The following SLC35F3 variants were observed in gnomAD, a reference collection of about 807,000 sequenced individuals.
SLC35F3 encodes the protein putative thiamine transporter SLC35F3.
SLC35F3 carries 25 observed loss-of-function variants against 49.9 expected under a neutral mutation model. The observed-to-expected ratio is 0.50, with a 90% CI of 0.37 to 0.70. SLC35F3 has a LOEUF of 0.70. Among genes scored for constraint, SLC35F3 ranks in the 30% least tolerant of loss-of-function variants. The pLI, the probability that SLC35F3 is intolerant of heterozygous loss-of-function variation, is 0.00. For synonymous variants in SLC35F3, 275 were observed against 265.4 expected, an observed-to-expected ratio of 1.04 and a Z score of -0.35; for missense variants, 525 against 639.8, an observed-to-expected ratio of 0.82 and a Z score of 1.94.
intron 2 of SLC35F3, among the ~76,000 whole-genome samples, chr1:233,962,125 T>C (rs1193818980): frequency 2.0e-5 from 3 of 152,208 alleles, no homozygotes; most frequent in Non-Finnish European, 4.4e-5. Flanking sequence ...CATACATATT[T>C]CCACCACACC....
intron 2 of SLC35F3, among the ~76,000 whole-genome samples, chr1:233,956,460 A>G (rs1019781634): frequency 1.8e-4 from 27 of 152,124 alleles, no homozygotes; most frequent in Admixed American, 1.4e-3. Flanking sequence ...TTTCATTGCT[A>G]TTGCTATGGT....
chr1:234,221,891 A>G lies in SLC35F3; in HGVS notation c.284-9526A>G, dbSNP rs1667211385. On this transcript the variant is annotated intron_variant, in intron 2 of 7. Coordinates refer to ENST00000366618, the MANE Select transcript of SLC35F3 (RefSeq NM_173508.4). ...TCTTTTTAGGCAGGAACATTCTAAG[A>G]GTCTACTAAGTAGCTTAATCATTAG... Among the ~76,000 whole-genome samples, 4 of 152,238 alleles carry G rather than the reference A, an allele frequency of 2.6e-5. No homozygotes were observed. The South Asian group carries it at 6.2e-4, about 24-fold the overall frequency.
At chr1:234,116,639 G>A (rs1273223039) in intron 2 of SLC35F3, among the ~76,000 whole-genome samples, 1 of 152,004 alleles carries the variant, frequency 6.6e-6, no homozygotes, top group East Asian at 1.9e-4. Flanking sequence ...AGCCTCCCAA[G>A]TAGCTGAGAT....
chr1:234,310,075 G>A (rs560880608), intron 4 of SLC35F3, among the ~76,000 whole-genome samples: 1 of 152,304 alleles, frequency 6.6e-6, no homozygotes, highest in East Asian at 1.9e-4. Flanking sequence ...AAAAGAAACA[G>A]GTGAAGTTTC....
At chr1:233,994,794 A>G (rs969031758) in intron 2 of SLC35F3, among the ~76,000 whole-genome samples, 2 of 152,134 alleles carry the variant, frequency 1.3e-5, no homozygotes, top group Non-Finnish European at 2.9e-5. Context: ...TCATCTCTAG[A>G]ATGGATTGTT....
chr1:233,943,252 T>C (rs893827949), intron 2 of SLC35F3, among the ~76,000 whole-genome samples: 1 of 152,240 alleles, frequency 6.6e-6, no homozygotes, highest in African/African-American at 2.4e-5. Context: ...AAGAGTGGTC[T>C]ATAGGTGTCC....
At chr1:234,054,265 C>T (rs186715132) in intron 2 of SLC35F3, among the ~76,000 whole-genome samples, 130 of 152,340 alleles carry the variant, frequency 8.5e-4, no homozygotes, top group African/African-American at 3.0e-3. Flanking sequence ...CTCCCTGTCA[C>T]TTTCAGGTAC....
chr1:234,062,188 G>C (rs1185565716), intron 2 of SLC35F3, among the ~76,000 whole-genome samples: 1 of 152,114 alleles, frequency 6.6e-6, no homozygotes, highest in Non-Finnish European at 1.5e-5. Context: ...CATTTAGTGA[G>C]GTTTATTTTC....
intron 3 of SLC35F3, among the ~76,000 whole-genome samples, chr1:234,288,492 G>A (rs1429891553): frequency 1.3e-5 from 2 of 152,154 alleles, no homozygotes; most frequent in African/African-American, 2.4e-5. Context: ...AAAATATGAA[G>A]GATGTTTTTA....
intron 2 of SLC35F3, among the ~76,000 whole-genome samples, chr1:234,032,557 C>G (rs1189311835): frequency 6.6e-6 from 1 of 152,096 alleles, no homozygotes; most frequent in African/African-American, 2.4e-5. Flanking sequence ...TATTCTTATG[C>G]CTTTATGTCC....
At chr1:234,285,484 G>C (rs1482660689) in intron 3 of SLC35F3, 1 of 388,210 alleles carries the variant, frequency 2.6e-6, no homozygotes, top group East Asian at 7.2e-5. Context: ...AGTAAAAACA[G>C]AAAATTTTGG....
chr1:233,909,530 C>T (rs994427280), intron 2 of SLC35F3, among the ~76,000 whole-genome samples: 2 of 152,156 alleles, frequency 1.3e-5, no homozygotes, highest in African/African-American at 4.8e-5. Context: ...ATGCTGACTT[C>T]CTGTTATGTG....
chr1:234,116,761 G>T (rs574912830), intron 2 of SLC35F3, among the ~76,000 whole-genome samples: 6 of 152,090 alleles, frequency 3.9e-5, no homozygotes, highest in Non-Finnish European at 7.4e-5. Context: ...TGATCCACCC[G>T]CCTTGGCCTC....
Position 233,918,814 on chromosome 1 carries a change from CTCTATATA to C in SLC35F3, c.283+13058_283+13065del, listed in dbSNP as rs200831029. Among the ~76,000 whole-genome samples, 588 of 60,158 alleles carry C rather than the reference CTCTATATA, an allele frequency of 9.8e-3. 6 individuals carry two copies. The highest frequency in any genetic ancestry group is 0.062 in the East Asian group (94 of 1,506). 39.5% of individuals were successfully genotyped at this position (60,158 alleles called of 152,430 possible). A position where few individuals can be genotyped will look rare whatever the true frequency, so the allele number is the denominator to read the frequency against. ...TCTCTCTCTTTCTCTCTCTCTCTCT[CTCTATATA>C]TATATATATATATTTGTGTGTTTGT... On this transcript the variant is annotated intron_variant, in intron 2 of 7. Transcript: ENST00000366618.
At chr1:234,259,922 A>C (rs1269681751) in intron 3 of SLC35F3, among the ~76,000 whole-genome samples, 2 of 152,232 alleles carry the variant, frequency 1.3e-5, no homozygotes, top group African/African-American at 4.8e-5. Context: ...AATCAAATTC[A>C]TTCAGACCCC....
intron 3 of SLC35F3, among the ~76,000 whole-genome samples, chr1:234,244,798 A>C (rs1458594128): frequency 6.6e-6 from 1 of 152,156 alleles, no homozygotes. Flanking sequence ...GGAAGAGAAG[A>C]ATTTAGAGGA....
chr1:233,905,839 A>G, intron 2 of SLC35F3, 81 bp downstream of exon 2: 1 of 1,333,534 alleles, frequency 7.5e-7, no homozygotes, highest in South Asian at 1.4e-5. Flanking sequence ...GAGCGCACGC[A>G]GTGAGGCGTC....
chr1:234,082,831 C>T (rs1437960209), intron 2 of SLC35F3, among the ~76,000 whole-genome samples: 4 of 152,050 alleles, frequency 2.6e-5, no homozygotes, highest in Admixed American at 6.6e-5. Flanking sequence ...TGGGGGAAAC[C>T]GCCCCCATGA....
chr1:234,005,827 G>A (rs572313749), intron 2 of SLC35F3, among the ~76,000 whole-genome samples: 1 of 152,282 alleles, frequency 6.6e-6, no homozygotes, highest in South Asian at 2.1e-4. Context: ...GATGGTTTGT[G>A]TGGAAAGACT....
Sources: gnomAD v4.1 joint callset for allele counts (sites outside exome capture counted in the v4.1 genomes callset) on GRCh38, gnomAD v4.1.1 for gene constraint, MANE v1.5 for transcripts, NCBI Gene and HGNC (gene_info 2026-07-23, HGNC 2026-07-21) for gene names.